Variants in TMEM268 observed in about 807,000 individuals in gnomAD.
TMEM268 encodes transmembrane protein C9orf91.
TMEM268 carries 24 observed loss-of-function variants against 39.1 expected under a neutral mutation model. That is an observed-to-expected ratio of 0.61 (90% CI 0.44 to 0.86). TMEM268 has a LOEUF of 0.86. TMEM268 is among the 40% of genes least tolerant of loss of function. The probability of loss-of-function intolerance (pLI) is 0.00; values close to 1 mark genes in which losing one functional copy is unlikely to be tolerated. For missense variants in TMEM268, 409 were observed against 428.6 expected (o/e 0.95, Z 0.40); for synonymous variants, 176 against 173.5 (o/e 1.01, Z -0.12).
At chr9:114,642,876 A>G (rs1827416113) in intron 8 of TMEM268, among the ~76,000 whole-genome samples, 1 of 152,068 alleles carries the variant, frequency 6.6e-6, no homozygotes, top group South Asian at 2.1e-4. Context: ...ATTGCCATTC[A>G]GCAGTTAGTT....
chr9:114,609,734 G>GAAAAAGAAAAAGAAAAAGAAAAAGAAAAA (rs1564279418), upstream of TMEM268, among the ~76,000 whole-genome samples: 8 of 67,244 alleles, frequency 1.2e-4, no homozygotes, highest in African/African-American at 4.2e-4. Flanking sequence ...AGAAAAAGAA[G>GAAAAAGAAAAAGAAAAAGAAAAAGAAAAA]GAAGGAAGGA....
In TMEM268 at chr9:114,633,858, G is replaced by A. The variant is rs754185354; in HGVS notation, c.565G>A (p.Gly189Arg). ...GCTGGGGGTGACAGACACAGTGGAA[G>A]GATGCCAGAGTGTGATTCAGGTGCT... The part of the protein sequence containing the change: ...VLLGVTDTVE[G>R]CQSVIQLWFV... Residue 189 changes from glycine (G) to arginine (R), a missense_variant, in exon 6 of 9, where the codon GGA becomes AGA. Transcript: ENST00000288502. 1 of 1,597,164 alleles carries A rather than the reference G, an allele frequency of 6.3e-7. No homozygotes were observed. Among genetic ancestry groups the A allele is most frequent in the South Asian group, 1.1e-5 (1 of 88,790 alleles).
At chr9:114,635,896 C>T (rs1348413207) in intron 6 of TMEM268, among the ~76,000 whole-genome samples, 1 of 152,154 alleles carries the variant, frequency 6.6e-6, no homozygotes, top group Non-Finnish European at 1.5e-5. Flanking sequence ...GGATGGGTTG[C>T]TGTCATCTAC....
intron 2 of TMEM268, among the ~76,000 whole-genome samples, chr9:114,621,563 C>T (rs942295884): frequency 1.3e-5 from 2 of 151,992 alleles, no homozygotes; most frequent in African/African-American, 2.4e-5. Context: ...TTAGCTTGGG[C>T]GAGTATTAAG....
intron 1 of TMEM268, chr9:114,615,646 G>A (rs534629557): frequency 1.3e-5 from 2 of 152,014 alleles, no homozygotes; most frequent in African/African-American, 4.8e-5. Context: ...TCTCTGCTAG[G>A]GAGCCTGATT....
chr9:114,607,474 G>A (rs980064045), upstream of TMEM268, among the ~76,000 whole-genome samples: 4 of 152,080 alleles, frequency 2.6e-5, no homozygotes, highest in Non-Finnish European at 5.9e-5. Context: ...TGGGCAACAT[G>A]GTAAAACCCT....
chr9:114,618,974 A>G (rs968113176), intron 2 of TMEM268, among the ~76,000 whole-genome samples: 3 of 152,196 alleles, frequency 2.0e-5, no homozygotes, highest in African/African-American at 7.2e-5. Flanking sequence ...GAAAGAATTA[A>G]TGAGTAGCTG....
rs139103123 is a variant in TMEM268 at position 114,642,545 on chromosome 9, C to G, written c.850-589C>G. 7.2e-5 allele frequency among the ~76,000 whole-genome samples: 11 copies of G among 152,232 alleles called. No homozygotes were observed. In the East Asian group the frequency reaches 2.1e-3, roughly 29 times the overall value. ...TTTTCTTCAAGTGAGTCACTTTGAT[C>G]TCATGTACTTTACAGACTCATAGAC... On this transcript the variant is annotated intron_variant, in intron 8 of 8. Transcript: ENST00000288502.
intron 1 of TMEM268, among the ~76,000 whole-genome samples, chr9:114,612,726 C>G (rs1845553686): frequency 6.6e-6 from 1 of 152,168 alleles, no homozygotes; most frequent in African/African-American, 2.4e-5. Flanking sequence ...CTCCAGGAAG[C>G]CTTCCGGAGA....
intron 8 of TMEM268, among the ~76,000 whole-genome samples, chr9:114,642,845 A>AT (rs1025231367): frequency 3.3e-5 from 5 of 151,668 alleles, no homozygotes; most frequent in African/African-American, 4.8e-5. Flanking sequence ...GAGGTTGCAT[A>AT]TTTTTTTTGT....
chr9:114,641,123 G>T (rs1827313754), intron 8 of TMEM268, among the ~76,000 whole-genome samples: 2 of 152,090 alleles, frequency 1.3e-5, no homozygotes. Flanking sequence ...TGATCCACCT[G>T]CCTCGGCCTC....
rs749071960 is a variant in TMEM268 at position 114,617,176 on chromosome 9, GA to G, written c.-17del. The G allele has an allele frequency of 2.6e-5, 40 of 1,541,610 alleles. No homozygotes were observed. Among genetic ancestry groups the G allele is most frequent in the Non-Finnish European group, 3.5e-5 (40 of 1,127,584 alleles). On this transcript the variant is annotated 5_prime_UTR_variant, in exon 2 of 9. Transcript: ENST00000288502. The stretch of plus-strand genomic sequence containing the variant: ...ACCACAGCTCTGAGAAGGGGAAGTA[GA>G]AACAGCTGGCGCCCTGCCATGGCCT...
Position 114,624,243 on chromosome 9 carries a change from G to C in TMEM268, c.107-107G>C, listed in dbSNP as rs946986055. 2.9e-5 allele frequency: 44 copies of C among 1,501,744 alleles called. 1 individual carries two copies. Among genetic ancestry groups the C allele is most frequent in the Non-Finnish European group, 3.7e-5 (41 of 1,121,116 alleles). The allele number at this position is 1,501,744 out of a possible 1,614,324, so 93.0% of individuals were successfully genotyped here. On this transcript the variant is annotated intron_variant, in intron 2 of 8. Coordinates refer to ENST00000288502, the MANE Select transcript of TMEM268 (RefSeq NM_153045.4). ...TGGCCACCGTGTCCCTCCTTGTTGCGAGGAGGTTCTCATGGCCAGAGGTGT... is the reference window on the plus strand; with the variant it reads ...TGGCCACCGTGTCCCTCCTTGTTGCCAGGAGGTTCTCATGGCCAGAGGTGT...
chr9:114,607,247 T>C (rs1845377518), upstream of TMEM268, among the ~76,000 whole-genome samples: 1 of 152,148 alleles, frequency 6.6e-6, no homozygotes, highest in African/African-American at 2.4e-5. Flanking sequence ...GGCAGGGGGA[T>C]AGCTATGAAC....
chr9:114,632,951 A>G (rs1350747169), intron 5 of TMEM268, among the ~76,000 whole-genome samples: 1 of 152,166 alleles, frequency 6.6e-6, no homozygotes, highest in African/African-American at 2.4e-5. Flanking sequence ...GCTGTCTGAC[A>G]CTATTGAATT....
intron 1 of TMEM268, among the ~76,000 whole-genome samples, chr9:114,613,948 G>T (rs1392123999): frequency 6.6e-6 from 1 of 152,242 alleles, no homozygotes; most frequent in East Asian, 1.9e-4. Context: ...TTGACCTGCG[G>T]TTTTTTCTCC....
At chr9:114,641,438 C>G (rs1164535601) in intron 8 of TMEM268, among the ~76,000 whole-genome samples, 1 of 152,088 alleles carries the variant, frequency 6.6e-6, no homozygotes, top group Non-Finnish European at 1.5e-5. Flanking sequence ...GAGCTTCAAC[C>G]CCATGCTTAA....
upstream of TMEM268, among the ~76,000 whole-genome samples, chr9:114,609,368 A>C (rs1308351637): frequency 6.6e-6 from 1 of 151,720 alleles, no homozygotes; most frequent in Non-Finnish European, 1.5e-5. Flanking sequence ...CTGACTCAGC[A>C]CATCTACTTA....
chr9:114,620,645 C>A (rs527859506), intron 2 of TMEM268, among the ~76,000 whole-genome samples: 1 of 152,258 alleles, frequency 6.6e-6, no homozygotes, highest in South Asian at 2.1e-4. Flanking sequence ...TTGATTGTAA[C>A]TTTTGAGTTG....
Sources: allele counts gnomAD v4.1 joint callset (sites outside exome capture counted in the v4.1 genomes callset), GRCh38; gene constraint gnomAD v4.1.1; transcripts MANE v1.5; gene names NCBI Gene and HGNC (gene_info 2026-07-23, HGNC 2026-07-21).